The following COL4A6 variants were observed in gnomAD, a reference collection of about 807,000 sequenced individuals.
COL4A6 encodes collagen type IV alpha 6 chain.
COL4A6 carries 59 observed loss-of-function variants against 126.7 expected under a neutral mutation model. The observed-to-expected ratio is 0.47, with a 90% CI of 0.38 to 0.58. COL4A6 has a LOEUF of 0.58. Among genes scored for constraint, COL4A6 ranks in the 20% least tolerant of loss-of-function variants. COL4A6 has a pLI of 0.00. For synonymous variants in COL4A6, 547 were observed against 496.6 expected, an observed-to-expected ratio of 1.10 and a Z score of -1.35; for missense variants, 1,285 against 1,337.3, an observed-to-expected ratio of 0.96 and a Z score of 0.61.
chrX:108,167,684 C>T (rs372676522), intron 37 of COL4A6, among the ~76,000 whole-genome samples: 4 of 110,620 alleles, frequency 3.6e-5, no homozygotes, highest in South Asian at 7.8e-4. Context: ...CACTGACTCC[C>T]GTTGTCAAAT....
chrX:108,331,378 A>C (rs1336420332), intron 2 of COL4A6, among the ~76,000 whole-genome samples: 2 of 112,159 alleles, frequency 1.8e-5, no homozygotes, highest in Non-Finnish European at 3.8e-5. Flanking sequence ...GGTATAGCCT[A>C]CTACATGCTA....
At chrX:108,208,633 A>G (rs1316353713) in intron 8 of COL4A6, among the ~76,000 whole-genome samples, 1 of 112,029 alleles carries the variant, frequency 8.9e-6, no homozygotes, top group African/African-American at 3.2e-5. Flanking sequence ...TTTTTGAATC[A>G]AATAACAACA....
At chrX:108,217,983 A>T (rs1423275553) in intron 5 of COL4A6, among the ~76,000 whole-genome samples, 2 of 112,049 alleles carry the variant, frequency 1.8e-5, no homozygotes, top group Non-Finnish European at 3.8e-5. Flanking sequence ...GCTGCAACTC[A>T]TTCTGCCAAG....
chrX:108,300,560 T>A (rs2038459987), intron 3 of COL4A6, among the ~76,000 whole-genome samples: 1 of 111,305 alleles, frequency 9.0e-6, no homozygotes, highest in East Asian at 2.8e-4. Flanking sequence ...CCACCCTGGA[T>A]AACCCTCACC....
At chrX:108,175,285 A>G in intron 29 of COL4A6, 70 bp from the exon 30 acceptor site, 2 of 1,083,220 alleles carry the variant, frequency 1.8e-6, no homozygotes, top group Non-Finnish European at 2.4e-6. Flanking sequence ...GACCTTTCAC[A>G]TCATTTCTTC....
At chrX:108,358,611 T>C (rs2040009534) in intron 2 of COL4A6, among the ~76,000 whole-genome samples, 2 of 111,022 alleles carry the variant, frequency 1.8e-5, no homozygotes, top group Non-Finnish European at 3.8e-5. Flanking sequence ...GCCAGGCTGG[T>C]CTCGAACTCC....
At chrX:108,265,395 T>TG (rs2037274827) in intron 3 of COL4A6, among the ~76,000 whole-genome samples, 1 of 110,019 alleles carries the variant, frequency 9.1e-6, no homozygotes, top group South Asian at 3.9e-4. Context: ...ATTCAGTTTT[T>TG]TTTTTTGACA....
chrX:108,257,070 C>A (rs761781375), intron 3 of COL4A6, among the ~76,000 whole-genome samples: 1 of 111,488 alleles, frequency 9.0e-6, no homozygotes, highest in Non-Finnish European at 1.9e-5. Flanking sequence ...CAAAGAAAGA[C>A]GAACCAAGGC....
intron 16 of COL4A6, 110 bp downstream of exon 16, chrX:108,194,424 T>C: frequency 2.5e-6 from 2 of 800,842 alleles, no homozygotes; most frequent in Non-Finnish European, 3.6e-6. Context: ...TAAGAAAAAA[T>C]TGAAACTTAA....
At position 108,180,892 on chromosome X, in the gene COL4A6, C is replaced by A. The variant is rs189712749; in HGVS notation, c.2023+5G>T. The A allele has an allele frequency of 8.3e-7, 1 of 1,208,094 alleles. No individual in the cohort carries two copies. The highest frequency in any genetic ancestry group is 1.8e-5 in the South Asian group (1 of 56,811). ...TTAGTGGCTTTCTCTGGCCTCATTCCATACCTGGGAATCCGGGAGTGCCTG... is the reference window on the plus strand; with the variant it reads ...TTAGTGGCTTTCTCTGGCCTCATTCAATACCTGGGAATCCGGGAGTGCCTG... On this transcript the variant is annotated splice_donor_5th_base_variant and intron_variant, in intron 24 of 44. Coordinates refer to ENST00000334504, the MANE Select transcript of COL4A6 (RefSeq NM_033641.4).
intron 3 of COL4A6, among the ~76,000 whole-genome samples, chrX:108,293,144 G>A (rs1436738008): frequency 3.6e-5 from 4 of 110,023 alleles, no homozygotes; most frequent in Non-Finnish European, 7.6e-5. Flanking sequence ...TGTTTTGGGA[G>A]GTATTATTAC....
intron 2 of COL4A6, among the ~76,000 whole-genome samples, chrX:108,312,616 T>C (rs975138463): frequency 8.9e-6 from 1 of 112,406 alleles, no homozygotes; most frequent in Admixed American, 9.4e-5. Context: ...ACTATATTTC[T>C]TGGTATTATG....
intron 3 of COL4A6, among the ~76,000 whole-genome samples, chrX:108,241,490 A>G (rs1188735349): frequency 9.4e-6 from 1 of 106,518 alleles, no homozygotes; most frequent in Admixed American, 1.0e-4. Context: ...TATATTATAT[A>G]TAATCTTATA....
chrX:108,205,508 A>G, intron 10 of COL4A6, 28 bp from the exon 11 acceptor site: 4 of 1,162,944 alleles, frequency 3.4e-6, no homozygotes, highest in Non-Finnish European at 4.7e-6. Flanking sequence ...AGGGAGGAAA[A>G]ACAAAATCGA....
chrX:108,160,388 GGGA>G, intron 43 of COL4A6, 72 bp downstream of exon 43: 1 of 1,006,313 alleles, frequency 9.9e-7, no homozygotes, highest in Non-Finnish European at 1.4e-6. Flanking sequence ...AGAAAGGGCT[GGGA>G]GAAGAGAGGG....
intron 2 of COL4A6, among the ~76,000 whole-genome samples, chrX:108,418,919 T>C (rs943891341): frequency 1.8e-5 from 2 of 112,541 alleles, no homozygotes; most frequent in Non-Finnish European, 3.8e-5. Flanking sequence ...ATTTGGTTGA[T>C]ATCTTGACAA....
rs1402266309 is a variant in COL4A6, at chrX:108,376,474, A to C, written c.63+61468T>G. On this transcript the variant is annotated intron_variant, in intron 2 of 44. Coordinates refer to ENST00000334504, the MANE Select transcript of COL4A6 (RefSeq NM_033641.4). ...AAAAAATTTAACTGGGCATGGTGGC[A>C]CCTGCCTGTAGTCCCAGCTACTGGG... Among the ~76,000 whole-genome samples, 98 of 111,403 alleles carry C rather than the reference A, an allele frequency of 8.8e-4. 1 individual carries two copies. Among genetic ancestry groups the C allele is most frequent in the African/African-American group, 3.1e-3 (96 of 30,596 alleles).
chrX:108,220,523 T>C (rs1289237543), intron 4 of COL4A6, among the ~76,000 whole-genome samples: 1 of 111,751 alleles, frequency 8.9e-6, no homozygotes, highest in Non-Finnish European at 1.9e-5. Flanking sequence ...CCTGCCACCA[T>C]GACATTATCA....
At chrX:108,279,945 T>G (rs1266778) in intron 3 of COL4A6, among the ~76,000 whole-genome samples, 3 of 109,734 alleles carry the variant, frequency 2.7e-5, no homozygotes, top group Non-Finnish European at 3.8e-5. Flanking sequence ...TTGAAACCAA[T>G]GAGAACAAAG....
Sources: gnomAD v4.1 joint callset for allele counts (sites outside exome capture counted in the v4.1 genomes callset) on GRCh38, gnomAD v4.1.1 for gene constraint, MANE v1.5 for transcripts, NCBI Gene and HGNC (gene_info 2026-07-23, HGNC 2026-07-21) for gene names.